EIF5: variants seen among roughly 807,000 people sequenced by gnomAD.
EIF5 encodes eukaryotic translation initiation factor 5.
In EIF5, 10 loss-of-function variants were observed where a neutral mutation model predicts 48.3. That is an observed-to-expected ratio of 0.21 (90% CI 0.13 to 0.35). The LOEUF (loss-of-function observed/expected upper bound fraction) is 0.35. Ranked by LOEUF, EIF5 falls within the 10% of genes least tolerant of loss-of-function variation. The probability of loss-of-function intolerance (pLI) is 1.00; values close to 1 mark genes in which losing one functional copy is unlikely to be tolerated. For missense variants in EIF5, 397 were observed against 533.2 expected (o/e 0.74, Z 2.51); for synonymous variants, 237 against 173.1 (o/e 1.37, Z -2.90).
intron 4 of EIF5, 198 bp downstream of exon 4, chr14:103,336,315 C>T: frequency 1.5e-6 from 1 of 649,168 alleles, no homozygotes; most frequent in South Asian, 2.0e-5. Context: ...GGCGCGTTGG[C>T]TCACACCTGT....
At position 103,336,065 on chromosome 14, in the gene EIF5, A is replaced by G. The variant is rs1398285383; in HGVS notation, c.102A>G (p.Thr34=). The G allele has an allele frequency of 6.2e-7, 1 of 1,614,220 alleles. No homozygotes were observed. The highest frequency in any genetic ancestry group is 1.7e-5 in the Admixed American group (1 of 60,026). The change falls in exon 4 of 12, where the codon ACA becomes ACG. Residue 34 remains threonine (T), a synonymous_variant. Coordinates refer to ENST00000216554, the MANE Select transcript of EIF5 (RefSeq NM_001969.5). ...KVEGKGNGIK[T]VIVNMVDVAK... ...AGGGCAAAGGCAATGGAATCAAGAC[A>G]GTTATAGTCAACATGGTTGACGTTG...
intron 8 of EIF5, 93 bp downstream of exon 8, chr14:103,338,986 T>G: frequency 6.6e-7 from 1 of 1,511,054 alleles, no homozygotes; most frequent in Non-Finnish European, 8.9e-7. Flanking sequence ...TTAGGATTAC[T>G]CTAATGCACG....
intron 4 of EIF5, 23 bp downstream of exon 4, chr14:103,336,140 C>T (rs569260364): frequency 6.2e-7 from 1 of 1,610,702 alleles, no homozygotes; most frequent in Non-Finnish European, 8.5e-7. Context: ...TGGAAAAGTC[C>T]ACAGGGCATA....
chr14:103,340,303 T>G (rs2089338099), intron 10 of EIF5, 124 bp from the exon 11 acceptor site: 6 of 1,023,340 alleles, frequency 5.9e-6, no homozygotes, highest in Non-Finnish European at 8.7e-6. Flanking sequence ...CTGAGTACAT[T>G]GATTCTGTTT....
At chr14:103,339,104 C>T in intron 8 of EIF5, 68 bp from the exon 9 acceptor site, 1 of 1,542,094 alleles carries the variant, frequency 6.5e-7, no homozygotes, top group South Asian at 1.3e-5. Context: ...AGAGCAGGGA[C>T]TGGCTGGTGT....
At chr14:103,336,361 T>A in intron 4 of EIF5, 2 of 582,172 alleles carry the variant, frequency 3.4e-6, no homozygotes, top group Non-Finnish European at 6.0e-6. Context: ...GGCAAGCGGA[T>A]CGCGAGGTCA....
At chr14:103,339,835 C>A in intron 10 of EIF5, 32 bp downstream of exon 10, 3 of 1,599,604 alleles carry the variant, frequency 1.9e-6, no homozygotes, top group African/African-American at 1.4e-5. Flanking sequence ...TCTTAAAGTT[C>A]ACAGGTTTTG....
In EIF5 at chr14:103,342,071, T is replaced by C. The variant is rs894785170; in HGVS notation, c.*1019T>C. 1.3e-5 allele frequency: 2 copies of C among 152,662 alleles called. No individual in the cohort carries two copies. Among genetic ancestry groups the C allele is most frequent in the African/African-American group, 4.8e-5 (2 of 41,460 alleles). 9.5% of individuals were successfully genotyped at this position (152,662 alleles called of 1,614,324 possible). A position where few individuals can be genotyped will look rare whatever the true frequency, so the allele number is the denominator to read the frequency against. On this transcript the variant is annotated 3_prime_UTR_variant, in exon 12 of 12. Transcript: ENST00000216554. ...CATTTGGACACATAGTTTATGCTTT[T>C]TAGATTTTGGTTGCTTTCTTGCCAA...
rs1317110187 is a variant in EIF5 at position 103,343,793 on chromosome 14, G to T, written c.*2741G>T. 1 of 152,188 alleles carries T rather than the reference G, an allele frequency of 6.6e-6. No individual in the cohort carries two copies. Among genetic ancestry groups the T allele is most frequent in the Non-Finnish European group, 1.5e-5 (1 of 68,036 alleles). The allele number at this position is 152,188 out of a possible 1,614,324, so 9.4% of individuals were successfully genotyped here. On this transcript the variant is annotated 3_prime_UTR_variant, in exon 12 of 12. Transcript: ENST00000216554. ...GTGGTCCTGAGGCATAGGTACTGTT[G>T]TACCAAGGTCACTTATCTAACAAAA... is the stretch of plus-strand genomic sequence containing the variant.
chr14:103,337,794 C>A, intron 6 of EIF5: 1 of 465,270 alleles, frequency 2.1e-6, no homozygotes, highest in East Asian at 5.7e-5. Context: ...AGCAAAGTTT[C>A]TTTTACTGGC....
chr14:103,338,528 TTTGG>T, intron 7 of EIF5, 56 bp downstream of exon 7: 1 of 1,527,638 alleles, frequency 6.5e-7, no homozygotes, highest in Non-Finnish European at 8.8e-7. Flanking sequence ...GTATATGGCA[TTTGG>T]TTGAGGTGGG....
chr14:103,334,795 T>G (rs1429194140), intron 2 of EIF5, 198 bp downstream of exon 2: 1 of 148,528 alleles, frequency 6.7e-6, no homozygotes, highest in Non-Finnish European at 1.5e-5. Context: ...GCGTCGCGCG[T>G]GCCCGCCGCT....
rs1282151436 is a variant in EIF5 at position 103,341,159 on chromosome 14, G to C, written c.*107G>C. 2 of 962,482 alleles carry C rather than the reference G, an allele frequency of 2.1e-6. No homozygotes were observed. The highest frequency in any genetic ancestry group is 3.2e-5 in the African/African-American group (2 of 62,416). 59.6% of individuals were successfully genotyped at this position (962,482 alleles called of 1,614,324 possible). On this transcript the variant is annotated 3_prime_UTR_variant, in exon 12 of 12. Transcript: ENST00000216554. Reference sequence around the variant, plus strand: ...AAAAGCTAAAATGGCTTAACATCATGCTACACTTTACACTAAAAATCTATT... The same window carrying C: ...AAAAGCTAAAATGGCTTAACATCATCCTACACTTTACACTAAAAATCTATT...
In EIF5 at chr14:103,336,190, T is replaced by A. The variant is rs144080819; in HGVS notation, c.154+73T>A. On this transcript the variant is annotated intron_variant, in intron 4 of 11. Transcript: ENST00000216554. Reference sequence around the variant, plus strand: ...TTCAAAGTCTTTGAGCTGCAAAACTTGTTCTAATTGTATGCTAGCTAATTA... The same window carrying A: ...TTCAAAGTCTTTGAGCTGCAAAACTAGTTCTAATTGTATGCTAGCTAATTA... 3.2e-4 allele frequency: 456 copies of A among 1,418,786 alleles called. 1 individual carries two copies. The Middle Eastern group carries it at 4.8e-3, about 15-fold the overall frequency. 87.9% of individuals were successfully genotyped at this position (1,418,786 alleles called of 1,614,324 possible).
rs1332157687 is a variant in EIF5 at position 103,342,389 on chromosome 14, C to A, written c.*1337C>A. Reference sequence around the variant, plus strand: ...ATGAACTCCTTGCCTGATCTAAACTCATATTATGGGTTCTGACTGTTTGAG... The same window carrying A: ...ATGAACTCCTTGCCTGATCTAAACTAATATTATGGGTTCTGACTGTTTGAG... On this transcript the variant is annotated 3_prime_UTR_variant, in exon 12 of 12. Coordinates refer to ENST00000216554, the MANE Select transcript of EIF5 (RefSeq NM_001969.5). 1 of 152,202 alleles carries A rather than the reference C, an allele frequency of 6.6e-6. No homozygotes were observed. The highest frequency in any genetic ancestry group is 1.5e-5 in the Non-Finnish European group (1 of 68,042). The allele number at this position is 152,202 out of a possible 1,614,324, so 9.4% of individuals were successfully genotyped here. A position where few individuals can be genotyped will look rare whatever the true frequency, so the allele number is the denominator to read the frequency against.
At chr14:103,337,037 A>C in intron 5 of EIF5, 79 bp from the exon 6 acceptor site, 1 of 1,398,604 alleles carries the variant, frequency 7.1e-7, no homozygotes, top group South Asian at 1.4e-5. Context: ...TTGCATGTGA[A>C]GCTGTCTGTG....
Position 103,344,676 on chromosome 14 carries a change from A to T in EIF5, c.*3624A>T, listed in dbSNP as rs2089392566. On this transcript the variant is annotated 3_prime_UTR_variant, in exon 12 of 12. Transcript: ENST00000216554. ...TTCCACCCAATTTTGCTATGAGCCT[A>T]AAACCTCTTTAAAAACGGTCAGTTA... The T allele has an allele frequency of 6.6e-6, 1 of 152,240 alleles. No homozygotes were observed. The highest frequency in any genetic ancestry group is 2.4e-5 in the African/African-American group (1 of 41,468). 9.4% of individuals were successfully genotyped at this position (152,240 alleles called of 1,614,324 possible).
Position 103,343,726 on chromosome 14 carries a change from GT to G in EIF5, c.*2677del, listed in dbSNP as rs1477096893. ...CCATCTGCAAAAAGCAGATAAGTGA[GT>G]TTGAACCTTTTGCATTTTGTTAGCT... On this transcript the variant is annotated 3_prime_UTR_variant, in exon 12 of 12. Coordinates refer to ENST00000216554, the MANE Select transcript of EIF5 (RefSeq NM_001969.5). The G allele has an allele frequency of 6.6e-6, 1 of 152,232 alleles. No individual in the cohort carries two copies. Among genetic ancestry groups the G allele is most frequent in the African/African-American group, 2.4e-5 (1 of 41,456 alleles). The allele number at this position is 152,232 out of a possible 1,614,324, so 9.4% of individuals were successfully genotyped here. A position where few individuals can be genotyped will look rare whatever the true frequency, so the allele number is the denominator to read the frequency against.
At position 103,343,418 on chromosome 14, in the gene EIF5, TAGGGAACA is replaced by T. The variant is rs1469635422; in HGVS notation, c.*2367_*2374del. The T allele has an allele frequency of 2.0e-5, 3 of 152,166 alleles. No individual in the cohort carries two copies. Among genetic ancestry groups the T allele is most frequent in the South Asian group, 4.1e-4 (2 of 4,834 alleles). The allele number at this position is 152,166 out of a possible 1,614,324, so 9.4% of individuals were successfully genotyped here. On this transcript the variant is annotated 3_prime_UTR_variant, in exon 12 of 12. Transcript: ENST00000216554. ...ACTTGAAATCTTGGCAGGTGCTTAATAGGGAACATACATACAGCTATGTAACTGTGAAT... is the reference window on the plus strand; with the variant it reads ...ACTTGAAATCTTGGCAGGTGCTTAATTACATACAGCTATGTAACTGTGAAT...
Sources: gnomAD v4.1 joint callset for allele counts on GRCh38, gnomAD v4.1.1 for gene constraint, MANE v1.5 for transcripts, NCBI Gene and HGNC (gene_info 2026-07-23, HGNC 2026-07-21) for gene names.